DGLUCY: variants seen among roughly 807,000 people sequenced by gnomAD.
DGLUCY encodes D-glutamate cyclase, mitochondrial.
In DGLUCY, 58 loss-of-function variants were observed where a neutral mutation model predicts 58.5. That is an observed-to-expected ratio of 0.99 (90% CI 0.80 to 1.23). The LOEUF is 1.23. DGLUCY is among the 50% of genes most tolerant of loss of function. The probability of loss-of-function intolerance (pLI) is 0.00; values close to 1 mark genes in which losing one functional copy is unlikely to be tolerated. For missense variants in DGLUCY, 779 were observed against 784.7 expected (o/e 0.99, Z 0.09); for synonymous variants, 325 against 314.1 (o/e 1.03, Z -0.37).
At chr14:91,115,425 T>C (rs1011985997) in intron 1 of DGLUCY, among the ~76,000 whole-genome samples, 1 of 152,044 alleles carries the variant, frequency 6.6e-6, no homozygotes, top group East Asian at 1.9e-4. Flanking sequence ...AGCACCTTTT[T>C]TTCCCCCCTT....
intron 11 of DGLUCY, among the ~76,000 whole-genome samples, chr14:91,202,058 A>AAATAATAATAATAATAATAAT (rs10523866): frequency 0.32 from 45,476 of 142,172 alleles, 8,568 homozygotes; most frequent in Non-Finnish European, 0.39. Context: ...TCTGTCTCAA[A>AAATAATAATAATAATAATAAT]AATAATAATA....
chr14:91,068,594 G>A (rs2043865917), intron 1 of DGLUCY, among the ~76,000 whole-genome samples: 1 of 152,114 alleles, frequency 6.6e-6, no homozygotes, highest in South Asian at 2.1e-4. Context: ...ACTTGAACCC[G>A]GGAGGTGGAG....
intron 1 of DGLUCY, among the ~76,000 whole-genome samples, chr14:91,081,282 C>T (rs765077592): frequency 1.3e-5 from 2 of 151,898 alleles, no homozygotes; most frequent in Non-Finnish European, 1.5e-5. Context: ...CAAACAAGTA[C>T]AAGTGCCATG....
At chr14:91,106,118 GC>G (rs1385361111), upstream of DGLUCY, among the ~76,000 whole-genome samples, 2 of 152,088 alleles carry the variant, frequency 1.3e-5, no homozygotes, top group African/African-American at 4.8e-5. Context: ...GACCAGCCTG[GC>G]CAACATGGTG....
chr14:91,225,010 T>C lies in DGLUCY; in HGVS notation c.*177T>C, dbSNP rs1285859. 0.97 allele frequency: 574,159 copies of C among 589,564 alleles called. 279,860 individuals carry two copies. The highest frequency in any genetic ancestry group is 0.99 in the Middle Eastern group (1,952 of 1,968). 36.5% of individuals were successfully genotyped at this position (589,564 alleles called of 1,614,324 possible). ...TTCTGGGAGGGGTTAGTGCAGGTGC[T>C]GTGGACAAAGGACAACATTTCTCTG... On this transcript the variant is annotated 3_prime_UTR_variant, in exon 14 of 14. Coordinates refer to ENST00000256324, the MANE Select transcript of DGLUCY (RefSeq NM_001102368.3).
intron 1 of DGLUCY, among the ~76,000 whole-genome samples, chr14:91,070,392 T>C (rs2043895277): frequency 6.6e-6 from 1 of 152,154 alleles, no homozygotes. Context: ...GAGGAAATAC[T>C]GTCAACAGAT....
intron 4 of DGLUCY, among the ~76,000 whole-genome samples, chr14:91,169,765 C>T (rs1187698023): frequency 6.6e-6 from 1 of 151,980 alleles, no homozygotes; most frequent in African/African-American, 2.4e-5. Context: ...ATAGGAGACA[C>T]ACTGGGTGGG....
chr14:91,193,736 G>A (rs1048015619), intron 9 of DGLUCY, among the ~76,000 whole-genome samples: 24 of 152,032 alleles, frequency 1.6e-4, no homozygotes, highest in African/African-American at 5.6e-4. Context: ...TAGCTACTAG[G>A]GAGGCTGAGG....
chr14:91,072,912 G>A (rs2043947871), intron 1 of DGLUCY, among the ~76,000 whole-genome samples: 1 of 152,126 alleles, frequency 6.6e-6, no homozygotes, highest in Non-Finnish European at 1.5e-5. Context: ...GGGAGGCTGA[G>A]GCATGAGAAT....
intron 1 of DGLUCY, among the ~76,000 whole-genome samples, chr14:91,077,343 AAAG>A (rs773014364): frequency 8.9e-5 from 12 of 134,832 alleles, no homozygotes; most frequent in Non-Finnish European, 1.7e-4. Flanking sequence ...GCAGAGAAAA[AAAG>A]AAAGGGAGAA....
At chr14:91,213,328 G>A (rs1284236554) in intron 12 of DGLUCY, among the ~76,000 whole-genome samples, 5 of 151,860 alleles carry the variant, frequency 3.3e-5, no homozygotes, top group African/African-American at 1.2e-4. Context: ...CCAGCTACTC[G>A]GGAGGCTGAG....
intron 13 of DGLUCY, chr14:91,220,843 C>T: frequency 2.7e-6 from 1 of 369,120 alleles, no homozygotes; most frequent in Non-Finnish European, 5.5e-6. Flanking sequence ...TCATGCCAGC[C>T]CTTTACAAGA....
rs1281749947 is a variant in DGLUCY, at chr14:91,167,396, C to T, written c.257+18C>T. On this transcript the variant is annotated intron_variant, in intron 4 of 13. Coordinates refer to ENST00000256324, the MANE Select transcript of DGLUCY (RefSeq NM_001102368.3). ...GAGACCAGGTAAAAAGCTTGGGTTACTGTGGGTTGAAGCTTGGGAGTGTCC... is the reference window on the plus strand; with the variant it reads ...GAGACCAGGTAAAAAGCTTGGGTTATTGTGGGTTGAAGCTTGGGAGTGTCC... 6.2e-7 allele frequency: 1 copy of T among 1,614,110 alleles called. No individual in the cohort carries two copies. Among genetic ancestry groups the T allele is most frequent in the Non-Finnish European group, 8.5e-7 (1 of 1,179,992 alleles).
intron 1 of DGLUCY, among the ~76,000 whole-genome samples, chr14:91,144,756 A>G (rs2046924799): frequency 6.6e-6 from 1 of 152,208 alleles, no homozygotes; most frequent in South Asian, 2.1e-4. Context: ...GACAGCCACA[A>G]AGATCACAAC....
At chr14:91,102,736 AGTGTGTATGTGTGTGTGTGTGT>A (rs2044510300) in intron 1 of DGLUCY, among the ~76,000 whole-genome samples, 1 of 60,736 alleles carries the variant, frequency 1.6e-5, no homozygotes. Context: ...GACCCCTTCC[AGTGTGTATGTGTGTGTGTGTGT>A]GTGTGTGTGT....
chr14:91,212,037 G>A (rs11622248), intron 12 of DGLUCY, among the ~76,000 whole-genome samples: 5,856 of 152,176 alleles, frequency 0.038, 152 homozygotes, highest in South Asian at 0.11. Context: ...TCCTGACCTC[G>A]AGTGATCCAC....
At chr14:91,074,715 G>A (rs1460937851) in intron 1 of DGLUCY, among the ~76,000 whole-genome samples, 1 of 152,022 alleles carries the variant, frequency 6.6e-6, no homozygotes, top group South Asian at 2.1e-4. Context: ...GAAAGTAATG[G>A]CAAAAACCAT....
At chr14:91,186,690 A>G (rs2049542862) in intron 8 of DGLUCY, among the ~76,000 whole-genome samples, 1 of 152,206 alleles carries the variant, frequency 6.6e-6, no homozygotes, top group Non-Finnish European at 1.5e-5. Flanking sequence ...TTTGTTAGGA[A>G]CAGTGGGCAC....
At chr14:91,194,416 A>G (rs948209128) in intron 9 of DGLUCY, among the ~76,000 whole-genome samples, 2 of 152,036 alleles carry the variant, frequency 1.3e-5, no homozygotes, top group African/African-American at 4.8e-5. Context: ...CCAAATTGCC[A>G]GCTTATGGCT....
Sources: allele counts gnomAD v4.1 joint callset (sites outside exome capture counted in the v4.1 genomes callset), GRCh38; gene constraint gnomAD v4.1.1; transcripts MANE v1.5; gene names NCBI Gene and HGNC (gene_info 2026-07-23, HGNC 2026-07-21).